The following GRAMD1B variants were observed in gnomAD, a reference collection of about 807,000 sequenced individuals.
GRAMD1B encodes GRAM domain containing 1B, also known as protein Aster-B.
Under a neutral mutation model 99.7 loss-of-function variants are expected in GRAMD1B, and 37 were observed. The observed-to-expected ratio is 0.37, with a 90% CI of 0.29 to 0.49. The LOEUF (loss-of-function observed/expected upper bound fraction) is 0.49. Among genes scored for constraint, GRAMD1B ranks in the 20% least tolerant of loss-of-function variants. The probability of loss-of-function intolerance (pLI) is 0.98; values close to 1 mark genes in which losing one functional copy is unlikely to be tolerated. For synonymous variants in GRAMD1B, 427 were observed against 387.6 expected (o/e 1.10, Z -1.19); for missense variants, 888 against 1,009.2 (o/e 0.88, Z 1.63).
At chr11:123,388,601 G>A (rs1947157915) in intron 1 of GRAMD1B, among the ~76,000 whole-genome samples, 1 of 152,060 alleles carries the variant, frequency 6.6e-6, no homozygotes, top group Non-Finnish European at 1.5e-5. Context: ...TTGAGCCAGG[G>A]AGGTTGAAGC....
intron 1 of GRAMD1B, among the ~76,000 whole-genome samples, chr11:123,368,696 A>AG (rs962994661): frequency 1.3e-5 from 2 of 150,272 alleles, no homozygotes; most frequent in African/African-American, 2.5e-5. Flanking sequence ...AAAAAAAAAA[A>AG]AAAAAAGAAA....
intron 8 of GRAMD1B, 77 bp downstream of exon 8, chr11:123,600,625 A>C: frequency 1.2e-6 from 1 of 852,250 alleles, no homozygotes; most frequent in Non-Finnish European, 1.9e-6. Context: ...GGGTTCTGGG[A>C]ATCCCCCACT....
chr11:123,488,028 C>T (rs187314670), intron 2 of GRAMD1B, among the ~76,000 whole-genome samples: 139 of 152,238 alleles, frequency 9.1e-4, no homozygotes, highest in African/African-American at 3.2e-3. Flanking sequence ...TTTTGGAGCC[C>T]GGGAAGTCCA....
At chr11:123,560,696 G>A in intron 2 of GRAMD1B, 1 of 299,446 alleles carries the variant, frequency 3.3e-6, no homozygotes, top group Non-Finnish European at 6.1e-6. Flanking sequence ...GTGTGTGTGT[G>A]TGTGTGTGTG....
Position 123,610,069 on chromosome 11 carries a change from T to C in GRAMD1B, c.1777-127T>C. Reference sequence around the variant, plus strand: ...TCTTGCTTGTTTAGTTGCTGCTGATTCCAGTGATCCTGGTTCTCCTGTTCA... The same window carrying C: ...TCTTGCTTGTTTAGTTGCTGCTGATCCCAGTGATCCTGGTTCTCCTGTTCA... On this transcript the variant is annotated intron_variant, in intron 13 of 19. Coordinates refer to ENST00000635736, the MANE Select transcript of GRAMD1B (RefSeq NM_001387025.1). The surrounding 1 kb of genome is among the most constrained non-coding windows in gnomAD (Gnocchi z 4.1). 1.2e-6 allele frequency: 1 copy of C among 861,872 alleles called. No individual in the cohort carries two copies. Among genetic ancestry groups the C allele is most frequent in the South Asian group, 1.6e-5 (1 of 63,070 alleles). 53.4% of individuals were successfully genotyped at this position (861,872 alleles called of 1,614,324 possible). A position where few individuals can be genotyped will look rare whatever the true frequency, so the allele number is the denominator to read the frequency against.
chr11:123,550,575 G>A (rs142302350), intron 2 of GRAMD1B, among the ~76,000 whole-genome samples: 5 of 152,322 alleles, frequency 3.3e-5, no homozygotes, highest in African/African-American at 1.2e-4. Flanking sequence ...GTGGAGGAAG[G>A]TGGAGGGGAT....
At chr11:123,401,095 G>T (rs1947644049) in intron 1 of GRAMD1B, among the ~76,000 whole-genome samples, 2 of 152,136 alleles carry the variant, frequency 1.3e-5, no homozygotes, top group Admixed American at 6.5e-5. Context: ...TATGAAGTAG[G>T]TTCTCTTATT....
intron 3 of GRAMD1B, among the ~76,000 whole-genome samples, chr11:123,581,611 T>G (rs1374112683): frequency 6.6e-6 from 1 of 152,196 alleles, no homozygotes; most frequent in Non-Finnish European, 1.5e-5. Context: ...GGCCCCTCAG[T>G]GGCAGCAGGT....
chr11:123,583,201 T>C (rs1205685751), intron 3 of GRAMD1B, among the ~76,000 whole-genome samples: 4 of 152,004 alleles, frequency 2.6e-5, no homozygotes, highest in East Asian at 3.9e-4. Context: ...TATGTGTGTG[T>C]ACGTGTATTC....
In GRAMD1B at chr11:123,510,194, C is replaced by T. The variant is rs1382145634; in HGVS notation, c.452+29301C>T. 1.3e-5 allele frequency among the ~76,000 whole-genome samples: 2 copies of T among 152,216 alleles called. No individual in the cohort carries two copies. The highest frequency in any genetic ancestry group is 2.9e-5 in the Non-Finnish European group (2 of 68,036). On this transcript the variant is annotated intron_variant, in intron 2 of 19. Transcript: ENST00000635736. This position sits in a 1 kb window ranked among gnomAD's most constrained non-coding sequence, Gnocchi z 4.3. ...TGAGGTTCTCACACCCGCCTGCCCG[C>T]CACCAGCTGCTGACCTTCTCCCTTC... is the stretch of plus-strand genomic sequence containing the variant.
chr11:123,579,433 A>G (rs1380079257), intron 3 of GRAMD1B, among the ~76,000 whole-genome samples: 2 of 152,188 alleles, frequency 1.3e-5, no homozygotes, highest in Non-Finnish European at 2.9e-5. Flanking sequence ...CTTGGCTGTG[A>G]GGATTTTAAA....
intron 19 of GRAMD1B, 104 bp from the exon 20 acceptor site, chr11:123,622,402 T>A (rs1565483089): frequency 2.9e-6 from 2 of 693,934 alleles, no homozygotes; most frequent in East Asian, 5.6e-5. Flanking sequence ...CCCCATGGCG[T>A]GGTTGGAGGC....
rs1274211 is a variant in GRAMD1B at position 123,591,697 on chromosome 11, T to C, written c.685-2385T>C. ...GAAATAGGTGAGCCAGGCCCCGCCT[T>C]TGGGGGTGGAGGAGGGAGAGGGCTG... On this transcript the variant is annotated intron_variant, in intron 4 of 19. Transcript: ENST00000635736. This position sits in a 1 kb window ranked among gnomAD's most constrained non-coding sequence, Gnocchi z 4.7. Among the ~76,000 whole-genome samples the C allele has an allele frequency of 0.14, 20,605 of 152,156 alleles. 1,477 individuals are homozygous for C. Among genetic ancestry groups the C allele is most frequent in the East Asian group, 0.23 (1,173 of 5,158 alleles).
At chr11:123,460,200 C>A (rs894657323) in intron 1 of GRAMD1B, 1 of 152,130 alleles carries the variant, frequency 6.6e-6, no homozygotes, top group African/African-American at 2.4e-5. Flanking sequence ...GAAAAGTGAC[C>A]ATGTGTGGTA....
At chr11:123,431,944 G>T (rs746094466) in intron 1 of GRAMD1B, 50 of 396,454 alleles carry the variant, frequency 1.3e-4, no homozygotes, top group Non-Finnish European at 2.2e-4. Context: ...CAAGCCCCTT[G>T]CCTGGTGGAG....
Position 123,591,617 on chromosome 11 carries a change from C to G in GRAMD1B, c.685-2465C>G. ...TGTTATGCCACTTGGCTCTCCTACCCGAAGGCCCCAGATTTGACAATCTTG... is the reference window on the plus strand; with the variant it reads ...TGTTATGCCACTTGGCTCTCCTACCGGAAGGCCCCAGATTTGACAATCTTG... On this transcript the variant is annotated intron_variant, in intron 4 of 19. Transcript: ENST00000635736. This position sits in a 1 kb window ranked among gnomAD's most constrained non-coding sequence, Gnocchi z 4.7. 1 of 397,700 alleles carries G rather than the reference C, an allele frequency of 2.5e-6. No individual in the cohort carries two copies. Among genetic ancestry groups the G allele is most frequent in the South Asian group, 1.4e-4 (1 of 7,208 alleles). 24.6% of individuals were successfully genotyped at this position (397,700 alleles called of 1,614,324 possible). A position where few individuals can be genotyped will look rare whatever the true frequency, so the allele number is the denominator to read the frequency against.
chr11:123,556,689 A>G (rs1946216532), intron 2 of GRAMD1B, among the ~76,000 whole-genome samples: 1 of 152,196 alleles, frequency 6.6e-6, no homozygotes, highest in African/African-American at 2.4e-5. Flanking sequence ...AATTTCCTAA[A>G]TTCATTTACA....
At chr11:123,449,653 C>G (rs1195912241) in intron 1 of GRAMD1B, among the ~76,000 whole-genome samples, 10 of 150,164 alleles carry the variant, frequency 6.7e-5, no homozygotes, top group Non-Finnish European at 1.5e-4. Context: ...TGACTCACTG[C>G]AGCCTTGACA....
At chr11:123,551,064 G>A (rs1324314795) in intron 2 of GRAMD1B, among the ~76,000 whole-genome samples, 1 of 152,180 alleles carries the variant, frequency 6.6e-6, no homozygotes, top group Non-Finnish European at 1.5e-5. Flanking sequence ...GCAAGTGAGG[G>A]AATCAGGATT....
Sources: gnomAD v4.1 joint callset for allele counts (sites outside exome capture counted in the v4.1 genomes callset) on GRCh38, gnomAD v4.1.1 for gene constraint, Gnocchi (gnomAD v3.1) non-coding constraint, MANE v1.5 for transcripts, NCBI Gene and HGNC (gene_info 2026-07-23, HGNC 2026-07-21) for gene names.